Variants in TBX5 observed in about 807,000 individuals in gnomAD.
TBX5 encodes T-box transcription factor 5.
Under a neutral mutation model 51.1 loss-of-function variants are expected in TBX5, and 8 were observed. That is an observed-to-expected ratio of 0.16 (90% CI 0.09 to 0.28). TBX5 has a LOEUF of 0.28. Ranked by LOEUF, TBX5 falls within the 10% of genes least tolerant of loss-of-function variation. The probability of loss-of-function intolerance (pLI) is 1.00; values close to 1 mark genes in which losing one functional copy is unlikely to be tolerated. For missense variants in TBX5, 589 were observed against 671.7 expected (o/e 0.88, Z 1.36); for synonymous variants, 302 against 266.4 (o/e 1.13, Z -1.30).
At chr12:114,387,493 T>C (rs1870882102) in intron 6 of TBX5, among the ~76,000 whole-genome samples, 1 of 152,158 alleles carries the variant, frequency 6.6e-6, no homozygotes, top group African/African-American at 2.4e-5. Flanking sequence ...AGGTCAGTGG[T>C]GGCCACAGGT....
chr12:114,379,527 G>A (rs2555030), intron 7 of TBX5, among the ~76,000 whole-genome samples: 18,411 of 152,268 alleles, frequency 0.12, 1,470 homozygotes, highest in Admixed American at 0.22. Flanking sequence ...GTCCCAGCCA[G>A]CCCAGCTTAA....
In TBX5 at chr12:114,405,307, C is replaced by T. The variant is rs1872135947; in HGVS notation, c.-39+321G>A. 3.3e-5 allele frequency among the ~76,000 whole-genome samples: 5 copies of T among 152,188 alleles called. No individual in the cohort carries two copies. In the South Asian group the frequency reaches 1.0e-3, roughly 31 times the overall value. Reference sequence around the variant, plus strand: ...AAAGCAGGGCTGGCGCCCCTACACGCGCTCCCATTCACTGCCGGCCGCGGG... The same window carrying T: ...AAAGCAGGGCTGGCGCCCCTACACGTGCTCCCATTCACTGCCGGCCGCGGG... On this transcript the variant is annotated intron_variant, in intron 1 of 8. Coordinates refer to ENST00000405440, the MANE Select transcript of TBX5 (RefSeq NM_181486.4).
intron 4 of TBX5, 83 bp downstream of exon 4, chr12:114,399,429 AG>A (rs2136417899): frequency 6.3e-7 from 1 of 1,577,470 alleles, no homozygotes; most frequent in Non-Finnish European, 8.6e-7. Flanking sequence ...AAAAAAAAAA[AG>A]TTCACTGATA....
intron 6 of TBX5, among the ~76,000 whole-genome samples, chr12:114,391,173 T>C (rs1295550752): frequency 6.6e-6 from 1 of 152,232 alleles, no homozygotes; most frequent in Admixed American, 6.5e-5. Context: ...TTTAATCACA[T>C]GCATTGCTTT....
chr12:114,405,961 G>C lies in TBX5; in HGVS notation c.-372C>G, dbSNP rs886245741. The stretch of plus-strand genomic sequence containing the variant: ...CTCCTCCTTTACACCCCCAGGGAGG[G>C]AAAGTTGGAAGCCCAGTGAATGGTC... On this transcript the variant is annotated 5_prime_UTR_variant, in exon 1 of 9. Transcript: ENST00000405440. 12 of 985,336 alleles carry C rather than the reference G, an allele frequency of 1.2e-5. No homozygotes were observed. In the African/African-American group the frequency reaches 2.1e-4, roughly 17 times the overall value. The allele number at this position is 985,336 out of a possible 1,614,324, so 61.0% of individuals were successfully genotyped here.
At chr12:114,374,221 G>A (rs555228324) in intron 7 of TBX5, among the ~76,000 whole-genome samples, 3 of 152,316 alleles carry the variant, frequency 2.0e-5, no homozygotes, top group Non-Finnish European at 2.9e-5. Flanking sequence ...AAGGTAGCAG[G>A]TCTCTTGGAA....
At chr12:114,407,748 A>G, upstream of TBX5, 1 of 985,374 alleles carries the variant, frequency 1.0e-6, no homozygotes, top group Non-Finnish European at 1.2e-6. Context: ...CGGGGTGAAA[A>G]GCCAAGGAGG....
At chr12:114,396,283 C>G (rs1386266007) in intron 5 of TBX5, among the ~76,000 whole-genome samples, 1 of 151,828 alleles carries the variant, frequency 6.6e-6, no homozygotes, top group African/African-American at 2.4e-5. Context: ...GGCGGCGTGG[C>G]GACAGAGAGA....
intron 2 of TBX5, among the ~76,000 whole-genome samples, chr12:114,403,146 G>A (rs1056878503): frequency 5.9e-5 from 9 of 152,268 alleles, no homozygotes; most frequent in African/African-American, 2.2e-4. Context: ...GCGAACCCGA[G>A]GCTCCTGGTG....
At chr12:114,385,652 C>T in intron 6 of TBX5, 85 bp from the exon 7 acceptor site, 2 of 1,141,354 alleles carry the variant, frequency 1.8e-6, no homozygotes, top group Middle Eastern at 1.9e-4. Context: ...TAATAAATAT[C>T]ATGGAAATGC....
intron 8 of TBX5, among the ~76,000 whole-genome samples, chr12:114,361,312 C>G (rs920658497): frequency 6.6e-6 from 1 of 152,228 alleles, no homozygotes; most frequent in Non-Finnish European, 1.5e-5. Context: ...CCCTGCAAAG[C>G]CCTTTTCCAT....
chr12:114,394,488 ATGG>A (rs1871314976), intron 6 of TBX5, among the ~76,000 whole-genome samples: 1 of 152,156 alleles, frequency 6.6e-6, no homozygotes, highest in African/African-American at 2.4e-5. Context: ...TGGCCCATCT[ATGG>A]TTTGACAAGT....
In TBX5 at chr12:114,355,197, T is replaced by C; in HGVS notation, c.*335A>G. 2.5e-6 allele frequency: 1 copy of C among 398,412 alleles called. No homozygotes were observed. The highest frequency in any genetic ancestry group is 2.1e-5 in the South Asian group (1 of 47,398). 24.7% of individuals were successfully genotyped at this position (398,412 alleles called of 1,614,324 possible). A position where few individuals can be genotyped will look rare whatever the true frequency, so the allele number is the denominator to read the frequency against. On this transcript the variant is annotated 3_prime_UTR_variant, in exon 9 of 9. Coordinates refer to ENST00000405440, the MANE Select transcript of TBX5 (RefSeq NM_181486.4). ...AAAAACACTCAATGAGGCAAGACTT[T>C]CTAGAGCCCAAAAGAAGGAATGGGG...
At chr12:114,379,015 A>T (rs73201497) in intron 7 of TBX5, among the ~76,000 whole-genome samples, 30,079 of 152,074 alleles carry the variant, frequency 0.2, 3,150 homozygotes, top group South Asian at 0.35. Flanking sequence ...CAAGCTAGAG[A>T]GGCCACATTC....
At chr12:114,395,001 G>A (rs562076878) in intron 5 of TBX5, 108 bp from the exon 6 acceptor site, 53 of 1,058,428 alleles carry the variant, frequency 5.0e-5, no homozygotes, top group African/African-American at 1.3e-4. Context: ...ATCGGCTCTC[G>A]AAAAATAGAT....
intron 6 of TBX5, among the ~76,000 whole-genome samples, chr12:114,388,675 CGTGTGTGTGTGTGTGT>C (rs59385091): frequency 0.032 from 4,000 of 124,392 alleles, 121 homozygotes; most frequent in East Asian, 0.16. Flanking sequence ...TTAAAGTATC[CGTGTGTGTGTGTGTGT>C]GTGTGTGTGT....
At chr12:114,406,499 C>A (rs1173384849), upstream of TBX5, among the ~76,000 whole-genome samples, 2 of 152,270 alleles carry the variant, frequency 1.3e-5, no homozygotes, top group East Asian at 3.9e-4. Context: ...CGCAGCCTTG[C>A]AGACATTCTC....
chr12:114,368,312 G>A lies in TBX5; in HGVS notation c.756-1921C>T, dbSNP rs376339187. On this transcript the variant is annotated intron_variant, in intron 7 of 8. Coordinates refer to ENST00000405440, the MANE Select transcript of TBX5 (RefSeq NM_181486.4). The stretch of plus-strand genomic sequence containing the variant: ...ACTGCACCATTGCACTCCAGCCTGG[G>A]TGACAGAGTGAAACCCTGTCTCAAT... Among the ~76,000 whole-genome samples, 50 of 152,058 alleles carry A rather than the reference G, an allele frequency of 3.3e-4. No homozygotes were observed. The East Asian group carries it at 4.8e-3, about 15-fold the overall frequency.
At chr12:114,357,473 GT>G (rs1868989329) in intron 8 of TBX5, among the ~76,000 whole-genome samples, 1 of 152,140 alleles carries the variant, frequency 6.6e-6, no homozygotes, top group Admixed American at 6.5e-5. Context: ...TAATATCTGC[GT>G]GATACCAGCA....
Sources: allele counts gnomAD v4.1 joint callset (sites outside exome capture counted in the v4.1 genomes callset), GRCh38; gene constraint gnomAD v4.1.1; transcripts MANE v1.5; gene names NCBI Gene and HGNC (gene_info 2026-07-23, HGNC 2026-07-21).